Variants in CYP4Z1 observed in about 807,000 individuals in gnomAD.
CYP4Z1 encodes cytochrome P450 4Z1.
A neutral mutation model predicts 54.2 loss-of-function variants in CYP4Z1; 41 were observed. The ratio of observed to expected loss-of-function variants is 0.76; its 90% CI spans 0.59 to 0.98. CYP4Z1 has a LOEUF of 0.98. CYP4Z1 is among the 50% of genes least tolerant of loss of function. The pLI is 0.00. For synonymous variants in CYP4Z1, 163 were observed against 206.2 expected (o/e 0.79, Z 1.79); for missense variants, 513 against 599.0 (o/e 0.86, Z 1.50).
intron 11 of CYP4Z1, among the ~76,000 whole-genome samples, chr1:47,117,075 C>T (rs1216112135): frequency 5.9e-5 from 9 of 152,174 alleles, no homozygotes; most frequent in African/African-American, 2.2e-4. Context: ...CCTCCCAGCT[C>T]TTGTTCCTAC....
the CYP4Z1 span, among the ~76,000 whole-genome samples, chr1:47,056,669 A>T: frequency 2.0e-5 from 3 of 152,132 alleles, no homozygotes; most frequent in Admixed American, 2.0e-4. Flanking sequence ...CTTTACCATT[A>T]TGTAATGGCC....
chr1:47,103,185 CT>C (rs146913944), intron 8 of CYP4Z1, among the ~76,000 whole-genome samples: 21 of 146,556 alleles, frequency 1.4e-4, no homozygotes, highest in Non-Finnish European at 1.2e-4. Flanking sequence ...TGTTCAGTTC[CT>C]TTTTTTTTTA....
upstream of CYP4Z1, among the ~76,000 whole-genome samples, chr1:47,063,446 G>C (rs1055844742): frequency 6.6e-6 from 1 of 151,910 alleles, no homozygotes; most frequent in Non-Finnish European, 1.5e-5. Flanking sequence ...GCTAATCAAG[G>C]AGGCACCAGA....
intron 8 of CYP4Z1, among the ~76,000 whole-genome samples, chr1:47,103,102 A>T (rs1644731823): frequency 6.6e-6 from 1 of 151,582 alleles, no homozygotes; most frequent in Non-Finnish European, 1.5e-5. Flanking sequence ...CTTCTGCTTG[A>T]TCTACTCTAA....
intron 9 of CYP4Z1, among the ~76,000 whole-genome samples, chr1:47,113,249 T>C (rs1644805895): frequency 6.6e-6 from 1 of 152,280 alleles, no homozygotes; most frequent in South Asian, 2.1e-4. Context: ...TGCCTCAAAT[T>C]CCTTTCTGAA....
intron 8 of CYP4Z1, among the ~76,000 whole-genome samples, chr1:47,100,900 T>G (rs1240384390): frequency 1.3e-5 from 2 of 152,212 alleles, no homozygotes; most frequent in African/African-American, 2.4e-5. Flanking sequence ...AATTTTCTTT[T>G]TTGGAAGACT....
chr1:47,069,134 A>T (rs1445172094), intron 2 of CYP4Z1, among the ~76,000 whole-genome samples: 2 of 152,252 alleles, frequency 1.3e-5, no homozygotes, highest in Non-Finnish European at 2.9e-5. Flanking sequence ...CACAGAGATG[A>T]GTGTTCCCCA....
chr1:47,113,385 C>T (rs1305575791), intron 9 of CYP4Z1, among the ~76,000 whole-genome samples: 1 of 152,150 alleles, frequency 6.6e-6, no homozygotes, highest in East Asian at 1.9e-4. Flanking sequence ...CTCAATTCCC[C>T]AAGCATCCTA....
rs2148544712 is a variant in CYP4Z1 at position 47,117,783 on chromosome 1, A to G, written c.1367A>G (p.His456Arg). The G allele has an allele frequency of 6.2e-7, 1 of 1,613,290 alleles. No individual in the cohort carries two copies. Among genetic ancestry groups the G allele is most frequent in the East Asian group, 2.2e-5 (1 of 44,860 alleles). ...SAGLRNCIGQ[H>R]FAIIECKVAV... ...ATCCCCAGGAACTGCATTGGGCAGC[A>G]TTTTGCCATAATTGAGTGTAAAGTG... is the stretch of plus-strand genomic sequence containing the variant. The change falls in exon 12 of 12, where the codon CAT becomes CGT. Residue 456 changes from histidine to arginine, a missense_variant. Transcript: ENST00000334194.
intron 11 of CYP4Z1, 42 bp from the exon 12 acceptor site, chr1:47,117,724 T>C (rs1198636934): frequency 1.3e-6 from 2 of 1,577,260 alleles, no homozygotes; most frequent in Non-Finnish European, 1.7e-6. Flanking sequence ...TAATAATATA[T>C]AAATTCATTA....
chr1:47,057,114 G>C, the CYP4Z1 span, among the ~76,000 whole-genome samples: 1 of 151,434 alleles, frequency 6.6e-6, no homozygotes, highest in Non-Finnish European at 1.5e-5. Context: ...GGGCAGGTCT[G>C]GTGGTGACAA....
Position 47,118,157 on chromosome 1 carries a change from T to A in CYP4Z1, c.*223T>A. The A allele has an allele frequency of 2.3e-6, 1 of 441,450 alleles. No homozygotes were observed. The highest frequency in any genetic ancestry group is 4.1e-5 in the South Asian group (1 of 24,416). 27.3% of individuals were successfully genotyped at this position (441,450 alleles called of 1,614,324 possible). On this transcript the variant is annotated 3_prime_UTR_variant, in exon 12 of 12. Coordinates refer to ENST00000334194, the MANE Select transcript of CYP4Z1 (RefSeq NM_178134.3). ...TGAAAAAACTCAAGCTGACTTCCAC[T>A]GCGAAGGGAAATTATTGGTTTGTGT...
Position 47,068,613 on chromosome 1 carries a change from TTA to T in CYP4Z1, c.178-7_178-6del, listed in dbSNP as rs754648042. 6.8e-6 allele frequency: 11 copies of T among 1,613,740 alleles called. No homozygotes were observed. In the South Asian group the frequency reaches 1.2e-4, roughly 18 times the overall value. On this transcript the variant is annotated splice_polypyrimidine_tract_variant and splice_region_variant and intron_variant, in intron 1 of 11. Transcript: ENST00000334194. ...CTTTACTAACCAGTCATGACTTATC[TTA>T]TGACAGTTTTACCCAGTAAAGGAGT...
chr1:47,083,169 T>A (rs914388065), intron 4 of CYP4Z1, among the ~76,000 whole-genome samples: 3 of 151,836 alleles, frequency 2.0e-5, no homozygotes, highest in Non-Finnish European at 2.9e-5. Context: ...ATACACAGGA[T>A]CTCAATCCTA....
chr1:47,104,523 G>T (rs966913203), intron 8 of CYP4Z1, among the ~76,000 whole-genome samples: 9 of 152,196 alleles, frequency 5.9e-5, no homozygotes, highest in Non-Finnish European at 8.8e-5. Context: ...CGGACAACCT[G>T]CTTGATACTA....
At chr1:47,112,849 A>C (rs1486110847) in intron 9 of CYP4Z1, among the ~76,000 whole-genome samples, 1 of 152,234 alleles carries the variant, frequency 6.6e-6, no homozygotes, top group Middle Eastern at 3.2e-3. Context: ...TTACATTTAT[A>C]GGTTTCAGGA....
At chr1:47,117,251 T>G (rs564254167) in intron 11 of CYP4Z1, among the ~76,000 whole-genome samples, 2 of 152,270 alleles carry the variant, frequency 1.3e-5, no homozygotes, top group Non-Finnish European at 2.9e-5. Flanking sequence ...AGCTTTTCCT[T>G]ATCATGATAT....
At chr1:47,087,100 T>C (rs1325402322) in intron 6 of CYP4Z1, among the ~76,000 whole-genome samples, 1 of 152,216 alleles carries the variant, frequency 6.6e-6, no homozygotes, top group Non-Finnish European at 1.5e-5. Flanking sequence ...ACTGTAGCCT[T>C]GTAGTATAGT....
At chr1:47,068,847 A>C in intron 2 of CYP4Z1, 84 bp downstream of exon 2, 2 of 1,503,890 alleles carry the variant, frequency 1.3e-6, no homozygotes, top group Non-Finnish European at 9.0e-7. Flanking sequence ...GGACAGGTTG[A>C]AGCATTTTTA....
Sources: gnomAD v4.1 joint callset for allele counts (sites outside exome capture counted in the v4.1 genomes callset) on GRCh38, gnomAD v4.1.1 for gene constraint, MANE v1.5 for transcripts, NCBI Gene and HGNC (gene_info 2026-07-23, HGNC 2026-07-21) for gene names.